LAMA3: variants seen among roughly 807,000 people sequenced by gnomAD.
LAMA3 encodes laminin subunit alpha 3.
Under a neutral mutation model 402.0 loss-of-function variants are expected in LAMA3, and 281 were observed. The observed-to-expected ratio is 0.70, with a 90% CI of 0.63 to 0.77. The LOEUF is 0.77. LAMA3 is among the 30% of genes least tolerant of loss of function. LAMA3 has a pLI of 0.00. For missense variants in LAMA3, 3,840 were observed against 4,215.5 expected, an observed-to-expected ratio of 0.91 and a Z score of 2.47; for synonymous variants, 1,431 against 1,558.4, an observed-to-expected ratio of 0.92 and a Z score of 1.93.
rs1231567706 is a variant in LAMA3, at chr18:23,899,458, A to G, written c.6004+3A>G. 1 of 1,613,792 alleles carries G rather than the reference A, an allele frequency of 6.2e-7. No homozygotes were observed. The highest frequency in any genetic ancestry group is 1.7e-5 in the Admixed American group (1 of 59,994). ...TGATAAAAGGGAGTCGCAGCTCTGT[A>G]AGAATGCTCCCAAATTCTTGCATCC... On this transcript the variant is annotated splice_donor_region_variant and intron_variant, in intron 47 of 74. Transcript: ENST00000313654.
At chr18:23,726,221 C>T (rs1203324841) in intron 2 of LAMA3, among the ~76,000 whole-genome samples, 1 of 152,210 alleles carries the variant, frequency 6.6e-6, no homozygotes, top group East Asian at 1.9e-4. Flanking sequence ...TCCAGGTGGG[C>T]CCAGGCAGCT....
intron 41 of LAMA3, among the ~76,000 whole-genome samples, chr18:23,887,808 A>G (rs531434806): frequency 5.9e-5 from 9 of 152,338 alleles, no homozygotes; most frequent in African/African-American, 2.2e-4. Context: ...TCAGACACAC[A>G]GGGCCACACA....
At chr18:23,762,587 C>CA (rs749969696) in intron 7 of LAMA3, among the ~76,000 whole-genome samples, 1,744 of 137,644 alleles carry the variant, frequency 0.013, 10 homozygotes, top group Middle Eastern at 0.054. Context: ...AGACTGTCAC[C>CA]AAAAAAAAAA....
At chr18:23,790,800 ACT>A (rs1161717347) in intron 12 of LAMA3, among the ~76,000 whole-genome samples, 1 of 151,940 alleles carries the variant, frequency 6.6e-6, no homozygotes, top group Non-Finnish European at 1.5e-5. Flanking sequence ...GCAAGAAAGC[ACT>A]CTGTCTTATT....
At chr18:23,790,165 C>T (rs2062622868) in intron 12 of LAMA3, among the ~76,000 whole-genome samples, 1 of 152,156 alleles carries the variant, frequency 6.6e-6, no homozygotes, top group African/African-American at 2.4e-5. Flanking sequence ...TCTTTAAACC[C>T]CTTCATCACC....
intron 8 of LAMA3, among the ~76,000 whole-genome samples, chr18:23,768,482 A>T (rs373982906): frequency 2.0e-5 from 3 of 152,330 alleles, no homozygotes; most frequent in African/African-American, 4.8e-5. Context: ...TAAAAAGTCA[A>T]AAAACAACAA....
chr18:23,845,173 A>C (rs2063786508), intron 30 of LAMA3, 49 bp downstream of exon 30: 1 of 1,084,502 alleles, frequency 9.2e-7, no homozygotes, highest in Non-Finnish European at 1.4e-6. Flanking sequence ...GCACTCCCAC[A>C]TTCCTGACCA....
chr18:23,795,251 G>A (rs2062740068), intron 12 of LAMA3, among the ~76,000 whole-genome samples: 1 of 152,174 alleles, frequency 6.6e-6, no homozygotes, highest in South Asian at 2.1e-4. Flanking sequence ...TTACTGAGGC[G>A]AAACATTCAT....
intron 1 of LAMA3, chr18:23,710,063 G>T: frequency 1.3e-6 from 1 of 762,924 alleles, no homozygotes. Flanking sequence ...GAAACTTGAT[G>T]ATAGCATAGT....
chr18:23,919,777 C>A (rs1423058409), intron 60 of LAMA3, among the ~76,000 whole-genome samples: 1 of 151,288 alleles, frequency 6.6e-6, no homozygotes, highest in East Asian at 2.0e-4. Flanking sequence ...CACGCAGCAT[C>A]TGGTAGGGGT....
At chr18:23,729,852 T>C (rs1050720506) in intron 2 of LAMA3, among the ~76,000 whole-genome samples, 1 of 152,212 alleles carries the variant, frequency 6.6e-6, no homozygotes, top group African/African-American at 2.4e-5. Context: ...AGAGCCAGCC[T>C]TAGGCGCTGT....
chr18:23,832,757 C>T (rs1598881565), intron 23 of LAMA3, among the ~76,000 whole-genome samples: 1 of 152,096 alleles, frequency 6.6e-6, no homozygotes, highest in Admixed American at 6.5e-5. Context: ...TCATACCACA[C>T]AATGGTAGGC....
intron 15 of LAMA3, among the ~76,000 whole-genome samples, chr18:23,814,894 C>G (rs2063145609): frequency 6.6e-6 from 1 of 152,194 alleles, no homozygotes; most frequent in South Asian, 2.1e-4. Flanking sequence ...GCATGCATAT[C>G]AGTAATGACC....
intron 24 of LAMA3, 62 bp from the exon 25 acceptor site, chr18:23,836,919 G>A: frequency 1.7e-6 from 2 of 1,190,904 alleles, no homozygotes; most frequent in South Asian, 2.4e-5. Context: ...CAACCCAGAA[G>A]GATGTGCAGA....
At chr18:23,834,267 G>C in intron 24 of LAMA3, 1 of 421,796 alleles carries the variant, frequency 2.4e-6, no homozygotes. Flanking sequence ...CTTTTTATTT[G>C]ATTCTCTATC....
intron 30 of LAMA3, 60 bp from the exon 31 acceptor site, chr18:23,846,237 T>C: frequency 1.9e-6 from 3 of 1,540,132 alleles, no homozygotes; most frequent in Non-Finnish European, 1.8e-6. Context: ...AAGGCAAGGT[T>C]GAGGCCACTC....
rs1291589622 is a variant in LAMA3 at position 23,946,335 on chromosome 18, T to C, written c.9351+51T>C. ...GACAGAAACAATTCACCTTATATTATAGGCATAATTGTATGAGATATTCAA... is the reference window on the plus strand; with the variant it reads ...GACAGAAACAATTCACCTTATATTACAGGCATAATTGTATGAGATATTCAA... On this transcript the variant is annotated intron_variant, in intron 70 of 74. Transcript: ENST00000313654. 5 of 1,555,880 alleles carry C rather than the reference T, an allele frequency of 3.2e-6. No individual in the cohort carries two copies. In the Admixed American group the frequency reaches 5.0e-5, roughly 16 times the overall value.
chr18:23,907,303 G>T (rs192229705), intron 52 of LAMA3, among the ~76,000 whole-genome samples: 151 of 152,264 alleles, frequency 9.9e-4, no homozygotes, highest in African/African-American at 2.2e-3. Context: ...AAGTTATTCA[G>T]CCTCTTTCTT....
intron 62 of LAMA3, among the ~76,000 whole-genome samples, chr18:23,927,151 T>G (rs765343919): frequency 2.0e-5 from 3 of 152,182 alleles, no homozygotes; most frequent in Non-Finnish European, 4.4e-5. Context: ...GCTCTTGCTG[T>G]ACGTTAACTT....
Sources: allele counts gnomAD v4.1 joint callset (sites outside exome capture counted in the v4.1 genomes callset), GRCh38; gene constraint gnomAD v4.1.1; transcripts MANE v1.5; gene names NCBI Gene and HGNC (gene_info 2026-07-23, HGNC 2026-07-21).